Variants in NLK observed in about 807,000 individuals in gnomAD.
NLK encodes the protein serine/threonine-protein kinase NLK.
In NLK, 11 loss-of-function variants were observed where a neutral mutation model predicts 59.0. The ratio of observed to expected loss-of-function variants is 0.19; its 90% CI spans 0.12 to 0.31. NLK has a LOEUF of 0.31. Ranked by LOEUF, NLK falls within the 10% of genes least tolerant of loss-of-function variation. The probability of loss-of-function intolerance (pLI) is 1.00; values close to 1 mark genes in which losing one functional copy is unlikely to be tolerated. For missense variants in NLK, 410 were observed against 661.1 expected (o/e 0.62, Z 4.16); for synonymous variants, 235 against 235.9 (o/e 1.00, Z 0.03).
At chr17:28,148,199 G>T (rs933084552) in intron 3 of NLK, among the ~76,000 whole-genome samples, 2 of 152,136 alleles carry the variant, frequency 1.3e-5, no homozygotes, top group African/African-American at 4.8e-5. Flanking sequence ...ACTTTAAAAA[G>T]AAATCTGTAA....
intron 1 of NLK, among the ~76,000 whole-genome samples, chr17:28,089,919 T>C (rs923184006): frequency 6.6e-6 from 1 of 152,174 alleles, no homozygotes. Context: ...TTTGAGGGTT[T>C]TCTAATGCTG....
At chr17:28,136,516 A>T (rs1906752674) in intron 3 of NLK, among the ~76,000 whole-genome samples, 1 of 152,212 alleles carries the variant, frequency 6.6e-6, no homozygotes, top group South Asian at 2.1e-4. Context: ...TATTAAATGA[A>T]AATGTAAGAA....
chr17:28,192,245 T>C lies in NLK; in HGVS notation c.1529+32T>C, dbSNP rs1041068231. 5 of 1,183,742 alleles carry C rather than the reference T, an allele frequency of 4.2e-6. No homozygotes were observed. In the African/African-American group the frequency reaches 6.0e-5, roughly 14 times the overall value. The allele number at this position is 1,183,742 out of a possible 1,614,324, so 73.3% of individuals were successfully genotyped here. On this transcript the variant is annotated intron_variant, in intron 10 of 10. Coordinates refer to ENST00000407008, the MANE Select transcript of NLK (RefSeq NM_016231.5). ...ATATGTATGTAATTCAACATTCTTG[T>C]TAGAATTAAAAGGATGCCAGTGTTA...
chr17:28,132,726 T>A, intron 3 of NLK, 51 bp downstream of exon 3: 1 of 1,463,136 alleles, frequency 6.8e-7, no homozygotes, highest in Non-Finnish European at 9.4e-7. Flanking sequence ...AAAATTAATT[T>A]GTTCTTCTAG....
At chr17:28,203,632 G>A in the NLK span, among the ~76,000 whole-genome samples, 1 of 152,074 alleles carries the variant, frequency 6.6e-6, no homozygotes, top group Non-Finnish European at 1.5e-5. Context: ...CGCCTCCTGG[G>A]TTCAAGTGAC....
At chr17:28,160,474 A>G (rs1025803619) in intron 3 of NLK, among the ~76,000 whole-genome samples, 2 of 152,168 alleles carry the variant, frequency 1.3e-5, no homozygotes, top group African/African-American at 2.4e-5. Flanking sequence ...CTTGAATTGC[A>G]TATCTCCATG....
intron 1 of NLK, among the ~76,000 whole-genome samples, chr17:28,089,485 T>A (rs1452537247): frequency 6.6e-6 from 1 of 152,052 alleles, no homozygotes; most frequent in East Asian, 1.9e-4. Flanking sequence ...TTCATTCACT[T>A]ACTGATGAAC....
intron 1 of NLK, among the ~76,000 whole-genome samples, chr17:28,111,896 G>GGTGTGTGTGTGTGT (rs747211468): frequency 4.6e-4 from 31 of 67,540 alleles, no homozygotes; most frequent in Admixed American, 7.6e-4. Context: ...GTGTGTGTGT[G>GGTGTGTGTGTGTGT]GTGTGTGTGT....
chr17:28,133,013 A>G (rs147925006), intron 3 of NLK, among the ~76,000 whole-genome samples: 158 of 152,330 alleles, frequency 1.0e-3, no homozygotes, highest in Middle Eastern at 3.4e-3. Context: ...TTACCACTAT[A>G]CAACAGCTGC....
chr17:28,050,266 AG>A (rs1909201636), intron 1 of NLK, among the ~76,000 whole-genome samples: 1 of 152,206 alleles, frequency 6.6e-6, no homozygotes, highest in Non-Finnish European at 1.5e-5. Flanking sequence ...CCAATGGGGA[AG>A]GGCAGTCTAG....
chr17:28,109,929 T>C (rs796460716), intron 1 of NLK, among the ~76,000 whole-genome samples: 53 of 152,354 alleles, frequency 3.5e-4, no homozygotes, highest in African/African-American at 1.2e-3. Context: ...TGTGCCATTG[T>C]ACAGTTTTAC....
chr17:28,099,799 C>T (rs1376393068), intron 1 of NLK, among the ~76,000 whole-genome samples: 1 of 151,006 alleles, frequency 6.6e-6, no homozygotes, highest in Non-Finnish European at 1.5e-5. Context: ...AGGATGGTCT[C>T]GATCTCCTGA....
At chr17:28,199,318 C>T (rs773042643), downstream of NLK, among the ~76,000 whole-genome samples, 15 of 152,024 alleles carry the variant, frequency 9.9e-5, no homozygotes, top group Non-Finnish European at 1.6e-4. Flanking sequence ...AAATTAGACA[C>T]CAGGCACAGT....
chr17:28,154,888 C>T lies in NLK; in HGVS notation c.645-6272C>T, dbSNP rs111724844. Among the ~76,000 whole-genome samples, 1,346 of 152,056 alleles carry T rather than the reference C, an allele frequency of 8.9e-3. 21 individuals are homozygous for T. The highest frequency in any genetic ancestry group is 0.03 in the African/African-American group (1,256 of 41,460). ...ATCTACTAACAATACAAAAATTAGT[C>T]GGGCATGGTAGCATGTGCCTGTAAG... On this transcript the variant is annotated intron_variant, in intron 3 of 10. Transcript: ENST00000407008.
intron 1 of NLK, among the ~76,000 whole-genome samples, chr17:28,102,102 T>C (rs1411863863): frequency 6.6e-6 from 1 of 152,236 alleles, no homozygotes; most frequent in Non-Finnish European, 1.5e-5. Context: ...ATTGGAATTT[T>C]GGTTTATTAA....
intron 1 of NLK, among the ~76,000 whole-genome samples, chr17:28,120,148 T>C (rs1469803936): frequency 6.6e-6 from 1 of 152,158 alleles, no homozygotes; most frequent in African/African-American, 2.4e-5. Flanking sequence ...TACTTCTAAC[T>C]AATAGTCTGA....
chr17:28,127,712 T>G (rs1004455721), intron 2 of NLK, among the ~76,000 whole-genome samples: 1 of 152,230 alleles, frequency 6.6e-6, no homozygotes. Context: ...CAAGGTTTTA[T>G]GTCTATATGC....
chr17:28,074,625 T>C (rs1910111288), intron 1 of NLK, among the ~76,000 whole-genome samples: 1 of 152,200 alleles, frequency 6.6e-6, no homozygotes, highest in Non-Finnish European at 1.5e-5. Context: ...TTTATTATTT[T>C]TTTACGAAAA....
At chr17:28,202,970 C>T in the NLK span, among the ~76,000 whole-genome samples, 2 of 152,076 alleles carry the variant, frequency 1.3e-5, no homozygotes, top group Non-Finnish European at 2.9e-5. Flanking sequence ...GCATAAGCCA[C>T]TGCGCCCGGC....
Sources: allele counts gnomAD v4.1 joint callset (sites outside exome capture counted in the v4.1 genomes callset), GRCh38; gene constraint gnomAD v4.1.1; transcripts MANE v1.5; gene names NCBI Gene and HGNC (gene_info 2026-07-23, HGNC 2026-07-21).